The following PTPRG variants were observed in gnomAD, a reference collection of about 807,000 sequenced individuals.
PTPRG encodes the protein protein tyrosine phosphatase receptor type G, also known as receptor-type tyrosine-protein phosphatase gamma.
A neutral mutation model predicts 165.3 loss-of-function variants in PTPRG; 102 were observed. That is an observed-to-expected ratio of 0.62 (90% CI 0.53 to 0.73). PTPRG has a LOEUF of 0.73. Among genes scored for constraint, PTPRG ranks in the 30% least tolerant of loss-of-function variants. PTPRG has a pLI of 0.00. For synonymous variants in PTPRG, 675 were observed against 669.5 expected (o/e 1.01, Z -0.13); for missense variants, 1,866 against 1,861.4 (o/e 1.00, Z -0.05).
intron 2 of PTPRG, among the ~76,000 whole-genome samples, chr3:61,963,052 A>G (rs1214284438): frequency 1.3e-5 from 2 of 152,088 alleles, no homozygotes; most frequent in Non-Finnish European, 2.9e-5. Flanking sequence ...AACCATATTT[A>G]TTAGTTTTCG....
At chr3:61,742,063 TA>T (rs2033012869) in intron 1 of PTPRG, among the ~76,000 whole-genome samples, 1 of 152,216 alleles carries the variant, frequency 6.6e-6, no homozygotes, top group Admixed American at 6.5e-5. Context: ...TTTCATGTGG[TA>T]TTCAGAGGAG....
intron 8 of PTPRG, among the ~76,000 whole-genome samples, chr3:62,189,112 G>A (rs1643977878): frequency 6.6e-6 from 1 of 152,142 alleles, no homozygotes; most frequent in Non-Finnish European, 1.5e-5. Context: ...CTTCTCTGGT[G>A]GCATTTGCGC....
At chr3:62,184,219 C>T (rs1576107722) in intron 8 of PTPRG, among the ~76,000 whole-genome samples, 1 of 152,132 alleles carries the variant, frequency 6.6e-6, no homozygotes, top group South Asian at 2.1e-4. Context: ...GCGTGGCAGC[C>T]GCAGCTCCAG....
At chr3:61,610,914 C>T (rs1701150979) in intron 1 of PTPRG, among the ~76,000 whole-genome samples, 2 of 152,060 alleles carry the variant, frequency 1.3e-5, no homozygotes, top group Admixed American at 1.3e-4. Context: ...TCAAGTGATT[C>T]TCCTGCCTCA....
At chr3:61,587,453 T>G (rs1309753269) in intron 1 of PTPRG, among the ~76,000 whole-genome samples, 4 of 152,200 alleles carry the variant, frequency 2.6e-5, no homozygotes, top group Non-Finnish European at 5.9e-5. Flanking sequence ...GCCGTGATGT[T>G]TCTTTACCTT....
At chr3:62,188,153 C>T (rs1699710494) in intron 8 of PTPRG, among the ~76,000 whole-genome samples, 1 of 152,196 alleles carries the variant, frequency 6.6e-6, no homozygotes, top group Admixed American at 6.5e-5. Flanking sequence ...CAGGGAGGAT[C>T]ACTTGAGCCC....
intron 1 of PTPRG, among the ~76,000 whole-genome samples, chr3:61,581,506 G>GT (rs1191513014): frequency 3.3e-5 from 5 of 152,172 alleles, no homozygotes; most frequent in Admixed American, 6.5e-5. Context: ...GTCTTCTGTG[G>GT]TGTTAGGTTT....
chr3:62,231,585 G>T (rs1002656923), intron 14 of PTPRG, among the ~76,000 whole-genome samples: 1 of 151,914 alleles, frequency 6.6e-6, no homozygotes, highest in South Asian at 2.1e-4. Context: ...TGTACTGGGG[G>T]TGCTCTATGT....
At chr3:61,804,030 G>A (rs1209598197) in intron 2 of PTPRG, among the ~76,000 whole-genome samples, 1 of 152,202 alleles carries the variant, frequency 6.6e-6, no homozygotes, top group Non-Finnish European at 1.5e-5. Context: ...TGGAGAAAGA[G>A]TGGAATGCAG....
At chr3:61,614,895 CCTT>C (rs1387400957) in intron 1 of PTPRG, among the ~76,000 whole-genome samples, 1 of 152,164 alleles carries the variant, frequency 6.6e-6, no homozygotes, top group Non-Finnish European at 1.5e-5. Flanking sequence ...TGTGGCAGCT[CCTT>C]CTCTTGTACA....
chr3:61,625,219 C>T (rs1701574026), intron 1 of PTPRG, among the ~76,000 whole-genome samples: 1 of 151,216 alleles, frequency 6.6e-6, no homozygotes, highest in Non-Finnish European at 1.5e-5. Context: ...TTCAACATAC[C>T]TTTTTTAAGG....
At chr3:62,112,108 C>T (rs974086470) in intron 5 of PTPRG, among the ~76,000 whole-genome samples, 12 of 148,682 alleles carry the variant, frequency 8.1e-5, no homozygotes, top group African/African-American at 3.0e-4. Flanking sequence ...TTTTTTTCTT[C>T]TTTTTTTTTT....
At chr3:61,871,121 TTA>T (rs201294925) in intron 2 of PTPRG, among the ~76,000 whole-genome samples, 5,891 of 116,372 alleles carry the variant, frequency 0.051, 333 homozygotes, top group East Asian at 0.27. Context: ...TTATGTTATG[TTA>T]TGTTATGTTG....
Position 62,240,040 on chromosome 3 carries a change from T to C in PTPRG, c.2376-3767T>C, listed in dbSNP as rs369957484. Among the ~76,000 whole-genome samples, 1 of 152,226 alleles carries C rather than the reference T, an allele frequency of 6.6e-6. No homozygotes were observed. On this transcript the variant is annotated intron_variant, in intron 14 of 29. Transcript: ENST00000474889. This position sits in a 1 kb window ranked among gnomAD's most constrained non-coding sequence, Gnocchi z 5.1. ...CCCTGGCCCAGAGTAGACCCCCCAA[T>C]AGATAGTTATTAAAGGAATAAATTA...
intron 2 of PTPRG, among the ~76,000 whole-genome samples, chr3:61,782,898 G>GC (rs1165573115): frequency 6.6e-6 from 1 of 152,080 alleles, no homozygotes; most frequent in Non-Finnish European, 1.5e-5. Context: ...AAACTCCTGG[G>GC]CTCAAGTGAT....
chr3:61,857,086 T>C (rs1235158033), intron 2 of PTPRG, among the ~76,000 whole-genome samples: 1 of 152,136 alleles, frequency 6.6e-6, no homozygotes, highest in African/African-American at 2.4e-5. Flanking sequence ...GTGTGTCTAG[T>C]ATCTTTTTTT....
chr3:62,279,987 C>G (rs1186917511), intron 26 of PTPRG, among the ~76,000 whole-genome samples: 1 of 151,942 alleles, frequency 6.6e-6, no homozygotes, highest in Non-Finnish European at 1.5e-5. Context: ...CTCACAGTCT[C>G]CAACCTATGC....
At chr3:61,627,925 A>G (rs962760179) in intron 1 of PTPRG, among the ~76,000 whole-genome samples, 2 of 152,228 alleles carry the variant, frequency 1.3e-5, no homozygotes. Flanking sequence ...AAGCCAAAGG[A>G]AAATCTTTCT....
intron 2 of PTPRG, among the ~76,000 whole-genome samples, chr3:61,804,255 A>G (rs1373569809): frequency 6.6e-6 from 1 of 152,212 alleles, no homozygotes; most frequent in African/African-American, 2.4e-5. Context: ...TTGATGGATA[A>G]AGATGTGACT....
Sources: allele counts gnomAD v4.1 joint callset (sites outside exome capture counted in the v4.1 genomes callset), GRCh38; gene constraint gnomAD v4.1.1; non-coding constraint Gnocchi (gnomAD v3.1); transcripts MANE v1.5; gene names NCBI Gene and HGNC (gene_info 2026-07-23, HGNC 2026-07-21).